CSGALNACT1: variants seen among roughly 807,000 people sequenced by gnomAD.
CSGALNACT1 encodes the protein chondroitin sulfate N-acetylgalactosaminyltransferase 1.
A neutral mutation model predicts 51.0 loss-of-function variants in CSGALNACT1; 52 were observed. That is an observed-to-expected ratio of 1.02 (90% confidence interval 0.82 to 1.29). The LOEUF (loss-of-function observed/expected upper bound fraction) is 1.29. CSGALNACT1 is among the 50% of genes most tolerant of loss of function. The probability of loss-of-function intolerance (pLI) is 0.00; values close to 1 mark genes in which losing one functional copy is unlikely to be tolerated. For synonymous variants in CSGALNACT1, 341 were observed against 254.4 expected (o/e 1.34, Z -3.24); for missense variants, 935 against 679.2 (o/e 1.38, Z -4.19).
chr8:19,667,138 C>A (rs192798190), intron 1 of CSGALNACT1, among the ~76,000 whole-genome samples: 1 of 151,442 alleles, frequency 6.6e-6, no homozygotes, highest in African/African-American at 2.4e-5. Flanking sequence ...GACATAATTT[C>A]AGCCAGGTGC....
chr8:19,738,427 CAA>C (rs2064117146), intron 1 of CSGALNACT1, among the ~76,000 whole-genome samples: 1 of 151,914 alleles, frequency 6.6e-6, no homozygotes, highest in Non-Finnish European at 1.5e-5. Context: ...TTAAATTGGT[CAA>C]ATTTATACAG....
intron 1 of CSGALNACT1, among the ~76,000 whole-genome samples, chr8:19,691,071 AAC>A (rs1337921602): frequency 6.6e-6 from 1 of 152,218 alleles, no homozygotes; most frequent in African/African-American, 2.4e-5. Context: ...AAGCTTGGAC[AAC>A]AGAGTGAGAC....
intron 3 of CSGALNACT1, among the ~76,000 whole-genome samples, chr8:19,540,216 G>A (rs372102153): frequency 2.0e-5 from 3 of 152,176 alleles, no homozygotes; most frequent in Admixed American, 6.5e-5. Flanking sequence ...ACCTAAATAC[G>A]TGACCAGAAC....
At chr8:19,564,122 A>T (rs1240830151) in intron 3 of CSGALNACT1, among the ~76,000 whole-genome samples, 1 of 152,144 alleles carries the variant, frequency 6.6e-6, no homozygotes. Context: ...CGCTTCTTTC[A>T]CTGAACTTAA....
chr8:19,553,596 A>T (rs181447902), intron 3 of CSGALNACT1, among the ~76,000 whole-genome samples: 1,853 of 123,526 alleles, frequency 0.015, 42 homozygotes, highest in South Asian at 0.065. Flanking sequence ...TATATATATA[A>T]AAATACATTT....
chr8:19,534,726 TA>T (rs2083423377), intron 3 of CSGALNACT1, among the ~76,000 whole-genome samples: 1 of 152,160 alleles, frequency 6.6e-6, no homozygotes, highest in Non-Finnish European at 1.5e-5. Flanking sequence ...CACACACGTC[TA>T]AAATGCTCAG....
At chr8:19,722,396 T>A (rs938114406) in intron 1 of CSGALNACT1, among the ~76,000 whole-genome samples, 1 of 152,242 alleles carries the variant, frequency 6.6e-6, no homozygotes, top group Non-Finnish European at 1.5e-5. Context: ...TCTTGGATGC[T>A]TACTTTCTGC....
intron 3 of CSGALNACT1, among the ~76,000 whole-genome samples, chr8:19,553,902 A>AACACACAC (rs34664028): frequency 0.028 from 4,114 of 147,480 alleles, 147 homozygotes; most frequent in African/African-American, 0.087. Context: ...GAACTCGTAG[A>AACACACAC]ACACACACAC....
intron 1 of CSGALNACT1, among the ~76,000 whole-genome samples, chr8:19,733,283 G>A (rs2063787150): frequency 1.3e-5 from 2 of 152,152 alleles, no homozygotes; most frequent in African/African-American, 4.8e-5. Context: ...AAGCACTCTT[G>A]TCAATTTGGA....
chr8:19,418,100 T>C (rs1368279548), intron 8 of CSGALNACT1, among the ~76,000 whole-genome samples: 1 of 152,158 alleles, frequency 6.6e-6, no homozygotes, highest in Non-Finnish European at 1.5e-5. Flanking sequence ...GTGACACCTT[T>C]AATGCTAACG....
chr8:19,475,638 T>C (rs1013466905), intron 4 of CSGALNACT1, among the ~76,000 whole-genome samples: 2 of 152,008 alleles, frequency 1.3e-5, no homozygotes, highest in African/African-American at 4.8e-5. Context: ...TAAAAAGTGG[T>C]TTCCTTTGAG....
chr8:19,545,469 G>C lies in CSGALNACT1; in HGVS notation c.-296-39339C>G, dbSNP rs147253989. ...TTTGATAATAACTGATGTAGAAAAA[G>C]CATAAAACATGATCATTGATTTCTG... On this transcript the variant is annotated intron_variant, in intron 3 of 9. Transcript: ENST00000454498. Among the ~76,000 whole-genome samples the C allele has an allele frequency of 7.6e-4, 115 of 152,218 alleles. 1 individual carries two copies. Among genetic ancestry groups the C allele is most frequent in the Non-Finnish European group, 1.4e-3 (98 of 68,020 alleles).
intron 2 of CSGALNACT1, among the ~76,000 whole-genome samples, chr8:19,601,195 T>C (rs1007424820): frequency 6.6e-6 from 1 of 152,194 alleles, no homozygotes. Context: ...TTTTCATTTG[T>C]CCCCGGACTA....
At chr8:19,404,266 ATTT>A (rs1311950116) in exon 10 of CSGALNACT1, 1 of 442,862 alleles carries the variant, frequency 2.3e-6, no homozygotes, top group Admixed American at 2.5e-5. Flanking sequence ...AATACAATGC[ATTT>A]TTTAACACAC....
Position 19,577,401 on chromosome 8 carries a change from C to CAAAAAAAAAAAAA in CSGALNACT1, c.-297+13746_-297+13758dup, listed in dbSNP as rs111734132. ...ACAACGAAGCCCGACCCCACCTCTA[C>CAAAAAAAAAAAAA]AAAAAAAAAAAAAGCCTAGTATGGT... On this transcript the variant is annotated intron_variant, in intron 3 of 9. Transcript: ENST00000454498. Among the ~76,000 whole-genome samples the CAAAAAAAAAAAAA allele has an allele frequency of 8.6e-5, 9 of 104,250 alleles. 1 individual carries two copies. The highest frequency in any genetic ancestry group is 3.5e-4 in the African/African-American group (8 of 23,098). 68.4% of individuals were successfully genotyped at this position (104,250 alleles called of 152,430 possible). A position where few individuals can be genotyped will look rare whatever the true frequency, so the allele number is the denominator to read the frequency against.
chr8:19,468,235 G>A (rs546651454), intron 4 of CSGALNACT1, among the ~76,000 whole-genome samples: 11 of 152,130 alleles, frequency 7.2e-5, no homozygotes, highest in Non-Finnish European at 2.9e-5. Context: ...ACATCAGAGC[G>A]AGCATTTTAA....
chr8:19,449,108 T>C (rs956609973), intron 5 of CSGALNACT1, among the ~76,000 whole-genome samples: 9 of 152,180 alleles, frequency 5.9e-5, no homozygotes, highest in African/African-American at 2.2e-4. Context: ...ATCAAGCAAT[T>C]GGGACCTATT....
At chr8:19,751,692 C>A (rs578052684) in intron 1 of CSGALNACT1, among the ~76,000 whole-genome samples, 1 of 152,092 alleles carries the variant, frequency 6.6e-6, no homozygotes, top group Non-Finnish European at 1.5e-5. Flanking sequence ...TGAATCATAG[C>A]GGCAGACTTC....
At chr8:19,624,618 A>G (rs906164444) in intron 1 of CSGALNACT1, among the ~76,000 whole-genome samples, 4 of 151,644 alleles carry the variant, frequency 2.6e-5, no homozygotes, top group South Asian at 2.1e-4. Context: ...GTCTCCCCCA[A>G]ATGGTGACTC....
Sources: allele counts gnomAD v4.1 joint callset (sites outside exome capture counted in the v4.1 genomes callset), GRCh38; gene constraint gnomAD v4.1.1; transcripts MANE v1.5; gene names NCBI Gene and HGNC (gene_info 2026-07-23, HGNC 2026-07-21).